NXN: variants seen among roughly 807,000 people sequenced by gnomAD.
NXN encodes the protein nucleoredoxin 1.
NXN carries 16 observed loss-of-function variants against 48.6 expected under a neutral mutation model. The observed-to-expected ratio is 0.33, with a 90% confidence interval of 0.22 to 0.50. The LOEUF (loss-of-function observed/expected upper bound fraction) is 0.50, where lower values mean the gene tolerates loss of function less well. Ranked by LOEUF, NXN falls within the 20% of genes least tolerant of loss-of-function variation. The pLI, the probability that NXN is intolerant of heterozygous loss-of-function variation, is 0.98. For synonymous variants in NXN, 281 were observed against 269.6 expected (o/e 1.04, Z -0.41); for missense variants, 492 against 605.5 (o/e 0.81, Z 1.97).
chr17:881,760 A>G (rs982001008), intron 1 of NXN, among the ~76,000 whole-genome samples: 3 of 152,238 alleles, frequency 2.0e-5, no homozygotes, highest in Non-Finnish European at 4.4e-5. Flanking sequence ...ATGCTCGTCC[A>G]ATGGGACACT....
intron 1 of NXN, among the ~76,000 whole-genome samples, chr17:922,478 T>C (rs1440137389): frequency 6.6e-6 from 1 of 151,826 alleles, no homozygotes; most frequent in East Asian, 1.9e-4. Context: ...TGAGAACCAT[T>C]AGTTGGAAAT....
At position 932,457 on chromosome 17, in the gene NXN, C is replaced by T. The variant is rs1333097119; in HGVS notation, c.360+46862G>A. On this transcript the variant is annotated intron_variant, in intron 1 of 7. Transcript: ENST00000336868. This position sits in a 1 kb window ranked among gnomAD's most constrained non-coding sequence, Gnocchi z 4.1. ...TCTGGTTATTCATCAGTTTGGAAAC[C>T]GCAGGTCTTCAGCAAAACAAAACTC... 2.0e-5 allele frequency among the ~76,000 whole-genome samples: 3 copies of T among 152,170 alleles called. No homozygotes were observed. Among genetic ancestry groups the T allele is most frequent in the Non-Finnish European group, 2.9e-5 (2 of 68,036 alleles).
At chr17:812,224 G>C (rs1912097904) in intron 5 of NXN, among the ~76,000 whole-genome samples, 1 of 152,128 alleles carries the variant, frequency 6.6e-6, no homozygotes, top group Non-Finnish European at 1.5e-5. Context: ...ACTGCGCGTG[G>C]CCTGGGTTAC....
intron 1 of NXN, among the ~76,000 whole-genome samples, chr17:827,516 G>C (rs556976555): frequency 6.6e-6 from 1 of 152,184 alleles, no homozygotes; most frequent in South Asian, 2.1e-4. Flanking sequence ...CCAGCTACTC[G>C]GGAGGCTGAG....
At chr17:853,724 T>TATATATATATATATATATATATA (rs61572573) in intron 1 of NXN, among the ~76,000 whole-genome samples, 4 of 70,038 alleles carry the variant, frequency 5.7e-5, no homozygotes, top group Non-Finnish European at 8.5e-5. Context: ...TATATATATA[T>TATATATATATATATATATATATA]TTTTTTTTTT....
At chr17:858,683 C>G (rs944929904) in intron 1 of NXN, among the ~76,000 whole-genome samples, 15 of 151,418 alleles carry the variant, frequency 9.9e-5, no homozygotes, top group African/African-American at 3.2e-4. Context: ...GAGACAAGAT[C>G]GCGCCACTGC....
chr17:809,121 G>A (rs1265521530), intron 5 of NXN, among the ~76,000 whole-genome samples: 1 of 152,220 alleles, frequency 6.6e-6, no homozygotes, highest in Non-Finnish European at 1.5e-5. Context: ...AGAAAGCAGA[G>A]ACACTGTCAA....
intron 1 of NXN, among the ~76,000 whole-genome samples, chr17:975,689 G>A (rs1241793059): frequency 2.0e-5 from 3 of 152,206 alleles, no homozygotes; most frequent in Non-Finnish European, 4.4e-5. Flanking sequence ...CACCCACACT[G>A]ACCATATGTT....
At chr17:913,605 C>T (rs1032098415) in intron 1 of NXN, among the ~76,000 whole-genome samples, 1 of 147,998 alleles carries the variant, frequency 6.8e-6, no homozygotes, top group Non-Finnish European at 1.5e-5. Context: ...CACCTACCCC[C>T]ACGTCCCCAG....
At chr17:807,202 C>T (rs769200701) in intron 5 of NXN, among the ~76,000 whole-genome samples, 9 of 152,178 alleles carry the variant, frequency 5.9e-5, no homozygotes, top group South Asian at 2.1e-4. Flanking sequence ...GACAGCTGGC[C>T]GCACAGGAGC....
chr17:979,758 G>A lies in NXN; in HGVS notation c.-80C>T, dbSNP rs1200229541. 9.3e-6 allele frequency: 11 copies of A among 1,181,422 alleles called. No individual in the cohort carries two copies. The highest frequency in any genetic ancestry group is 7.1e-5 in the East Asian group (2 of 28,364). The allele number at this position is 1,181,422 out of a possible 1,614,324, so 73.2% of individuals were successfully genotyped here. A position where few individuals can be genotyped will look rare whatever the true frequency, so the allele number is the denominator to read the frequency against. Reference sequence around the variant, plus strand: ...GGCGGGAGGAGGCGGCGGCGTCGGCGGCAGGCGCTGGGGAGAGCAGAGCCC... The same window carrying A: ...GGCGGGAGGAGGCGGCGGCGTCGGCAGCAGGCGCTGGGGAGAGCAGAGCCC... On this transcript the variant is annotated 5_prime_UTR_variant, in exon 1 of 8. Coordinates refer to ENST00000336868, the MANE Select transcript of NXN (RefSeq NM_022463.5).
Position 825,842 on chromosome 17 carries a change from A to G in NXN, c.478+119T>C. The G allele has an allele frequency of 1.5e-6, 1 of 671,628 alleles. No homozygotes were observed. The highest frequency in any genetic ancestry group is 2.7e-5 in the Admixed American group (1 of 37,398). The allele number at this position is 671,628 out of a possible 1,614,324, so 41.6% of individuals were successfully genotyped here. A position where few individuals can be genotyped will look rare whatever the true frequency, so the allele number is the denominator to read the frequency against. ...CAAGACGACATTCTCTACCACGTAA[A>G]CCCACGTGTATCTATTTCACCAGTA... is the stretch of plus-strand genomic sequence containing the variant. On this transcript the variant is annotated intron_variant, in intron 2 of 7. Transcript: ENST00000336868. This position sits in a 1 kb window ranked among gnomAD's most constrained non-coding sequence, Gnocchi z 4.1.
chr17:931,602 C>T (rs1011592677), intron 1 of NXN, among the ~76,000 whole-genome samples: 12 of 150,582 alleles, frequency 8.0e-5, no homozygotes, highest in Admixed American at 1.3e-4. Context: ...TTTGGGAGGC[C>T]GAGGTGGGCG....
chr17:914,862 TAAAGC>T (rs772503676), intron 1 of NXN, among the ~76,000 whole-genome samples: 1 of 151,992 alleles, frequency 6.6e-6, no homozygotes, highest in Non-Finnish European at 1.5e-5. Flanking sequence ...CACAGGCAAA[TAAAGC>T]AAGCAAGTGA....
At chr17:893,132 T>C (rs548176) in intron 1 of NXN, among the ~76,000 whole-genome samples, 145,494 of 152,338 alleles carry the variant, frequency 0.96, 69,585 homozygotes, top group African/African-American at 0.99. Flanking sequence ...CAGATGCGGA[T>C]GGGAGAACAC....
At chr17:819,243 G>C in intron 5 of NXN, 196 bp downstream of exon 5, 1 of 604,520 alleles carries the variant, frequency 1.7e-6, no homozygotes, top group East Asian at 3.0e-5. Context: ...GCCATGCCCG[G>C]CCTGACAATA....
Position 849,302 on chromosome 17 carries a change from A to G in NXN, c.361-23224T>C, listed in dbSNP as rs548687482. On this transcript the variant is annotated intron_variant, in intron 1 of 7. Coordinates refer to ENST00000336868, the MANE Select transcript of NXN (RefSeq NM_022463.5). The surrounding 1 kb of genome is among the most constrained non-coding windows in gnomAD (Gnocchi z 4.2). ...AATCCCAGCACTTTGGGAGGCCGAGACAGGTGGGTCACCTGAGGTCAGGAG... is the reference window on the plus strand; with the variant it reads ...AATCCCAGCACTTTGGGAGGCCGAGGCAGGTGGGTCACCTGAGGTCAGGAG... Among the ~76,000 whole-genome samples, 1 of 152,262 alleles carries G rather than the reference A, an allele frequency of 6.6e-6. No homozygotes were observed. The highest frequency in any genetic ancestry group is 2.4e-5 in the African/African-American group (1 of 41,556).
intron 1 of NXN, among the ~76,000 whole-genome samples, chr17:873,493 C>CA (rs71145783): frequency 0.045 from 3,389 of 74,868 alleles, 168 homozygotes; most frequent in African/African-American, 0.14. Context: ...ACACTGTCTC[C>CA]AAAAAAAAAA....
intron 1 of NXN, among the ~76,000 whole-genome samples, chr17:935,708 G>A (rs1330439629): frequency 3.3e-5 from 5 of 152,110 alleles, no homozygotes; most frequent in South Asian, 2.1e-4. Flanking sequence ...CTATTCATGC[G>A]GGTATTGACT....
Sources: gnomAD v4.1 joint callset for allele counts (sites outside exome capture counted in the v4.1 genomes callset) on GRCh38, gnomAD v4.1.1 for gene constraint, Gnocchi (gnomAD v3.1) non-coding constraint, MANE v1.5 for transcripts, NCBI Gene and HGNC (gene_info 2026-07-23, HGNC 2026-07-21) for gene names.